UNC13C: variants seen among roughly 807,000 people sequenced by gnomAD.
UNC13C encodes protein unc-13 homolog C.
UNC13C carries 174 observed loss-of-function variants against 245.4 expected under a neutral mutation model. That is an observed-to-expected ratio of 0.71 (90% CI 0.63 to 0.80). The LOEUF (loss-of-function observed/expected upper bound fraction) is 0.80. Among genes scored for constraint, UNC13C ranks in the 30% least tolerant of loss-of-function variants. The pLI, the probability that UNC13C is intolerant of heterozygous loss-of-function variation, is 0.00. For synonymous variants in UNC13C, 992 were observed against 895.1 expected, an observed-to-expected ratio of 1.11 and a Z score of -1.93; for missense variants, 2,829 against 2,602.9, an observed-to-expected ratio of 1.09 and a Z score of -1.89.
intron 4 of UNC13C, among the ~76,000 whole-genome samples, chr15:54,207,606 C>A (rs1426782214): frequency 6.6e-6 from 1 of 151,992 alleles, no homozygotes; most frequent in African/African-American, 2.4e-5. Context: ...AACTGAAGTA[C>A]CCATTAAAGA....
At chr15:54,029,670 A>G (rs1160347617) in intron 2 of UNC13C, among the ~76,000 whole-genome samples, 1 of 152,242 alleles carries the variant, frequency 6.6e-6, no homozygotes, top group East Asian at 1.9e-4. Context: ...AGACAATGCC[A>G]TAAAATGGCA....
chr15:54,415,204 C>T (rs1384437342), intron 19 of UNC13C, 137 bp downstream of exon 19: 6 of 591,392 alleles, frequency 1.0e-5, no homozygotes, highest in African/African-American at 1.9e-5. Flanking sequence ...AACTTATTTC[C>T]GTATGGTGAA....
intron 1 of UNC13C, among the ~76,000 whole-genome samples, chr15:53,998,749 G>T (rs1484421507): frequency 1.3e-5 from 2 of 152,010 alleles, no homozygotes; most frequent in Non-Finnish European, 2.9e-5. Context: ...TGTAGATTTT[G>T]ATTTTATTAG....
At chr15:54,020,972 A>G (rs1895877770) in intron 2 of UNC13C, among the ~76,000 whole-genome samples, 1 of 152,164 alleles carries the variant, frequency 6.6e-6, no homozygotes, top group African/African-American at 2.4e-5. Flanking sequence ...CCTTTTGTCT[A>G]GTATTTTTTG....
intron 4 of UNC13C, among the ~76,000 whole-genome samples, chr15:54,169,625 C>T (rs541284998): frequency 1.3e-5 from 2 of 152,168 alleles, no homozygotes; most frequent in African/African-American, 4.8e-5. Context: ...CTTTGCTGCA[C>T]TGCCCACCAT....
intron 18 of UNC13C, among the ~76,000 whole-genome samples, chr15:54,394,701 G>T (rs1486769723): frequency 6.6e-6 from 1 of 151,792 alleles, no homozygotes; most frequent in Non-Finnish European, 1.5e-5. Context: ...GTTCTATGAA[G>T]AAACTTTGGC....
chr15:54,460,543 C>T (rs1338572840), intron 19 of UNC13C, among the ~76,000 whole-genome samples: 1 of 152,182 alleles, frequency 6.6e-6, no homozygotes, highest in Admixed American at 6.5e-5. Flanking sequence ...GTGGCACTTT[C>T]AAGAGAGCAC....
intron 30 of UNC13C, among the ~76,000 whole-genome samples, chr15:54,618,240 A>G (rs1340779910): frequency 6.6e-6 from 1 of 152,134 alleles, no homozygotes; most frequent in Non-Finnish European, 1.5e-5. Context: ...AAAGCAGACA[A>G]TGAGCTCTTT....
intron 26 of UNC13C, 120 bp from the exon 27 acceptor site, chr15:54,546,602 A>C (rs1896490914): frequency 5.6e-6 from 3 of 531,094 alleles, no homozygotes; most frequent in Non-Finnish European, 9.1e-6. Context: ...GTTTTTTGAG[A>C]TTATACATTT....
rs541226862 is a variant in UNC13C at position 54,235,149 on chromosome 15, G to T, written c.3150+41G>T. On this transcript the variant is annotated intron_variant, in intron 5 of 32. Coordinates refer to ENST00000260323, the MANE Select transcript of UNC13C (RefSeq NM_001080534.3). ...TTAATTCTCTTCGATTGCATGTGTG[G>T]TTTTTTTCCTTACTAAAATGTAATG... is the stretch of plus-strand genomic sequence containing the variant. 15 of 1,567,822 alleles carry T rather than the reference G, an allele frequency of 9.6e-6. No individual in the cohort carries two copies. In the South Asian group the frequency reaches 1.0e-4, roughly 10 times the overall value.
chr15:54,022,466 G>A (rs1358207170), intron 2 of UNC13C, among the ~76,000 whole-genome samples: 1 of 151,996 alleles, frequency 6.6e-6, no homozygotes, highest in Non-Finnish European at 1.5e-5. Flanking sequence ...AGCCACCCCA[G>A]CCCAGCCTCT....
chr15:54,604,053 T>G (rs1480429373), intron 30 of UNC13C, among the ~76,000 whole-genome samples: 1 of 152,176 alleles, frequency 6.6e-6, no homozygotes, highest in African/African-American at 2.4e-5. Flanking sequence ...TTTCCAGGCC[T>G]TGATCTGCCT....
intron 13 of UNC13C, among the ~76,000 whole-genome samples, chr15:54,314,276 G>C (rs1028781078): frequency 6.6e-6 from 1 of 151,782 alleles, no homozygotes; most frequent in South Asian, 2.1e-4. Flanking sequence ...TTCTTGAAAA[G>C]AGCAAAGCGA....
chr15:54,220,433 C>A (rs936712703), intron 4 of UNC13C, among the ~76,000 whole-genome samples: 2 of 111,648 alleles, frequency 1.8e-5, no homozygotes, highest in African/African-American at 7.4e-5. Flanking sequence ...ACATCACACT[C>A]TGGGGACTGT....
chr15:54,417,135 G>A, intron 19 of UNC13C: 1 of 348,598 alleles, frequency 2.9e-6, no homozygotes, highest in Non-Finnish European at 5.7e-6. Context: ...TTACCAAAAT[G>A]TAATTTTTTT....
At chr15:54,273,017 A>G (rs1213947503) in intron 10 of UNC13C, among the ~76,000 whole-genome samples, 2 of 152,208 alleles carry the variant, frequency 1.3e-5, no homozygotes. Context: ...AACAGAACTT[A>G]AATAAAATCT....
At chr15:54,520,791 T>C (rs1020869731) in intron 24 of UNC13C, among the ~76,000 whole-genome samples, 1 of 152,184 alleles carries the variant, frequency 6.6e-6, no homozygotes, top group African/African-American at 2.4e-5. Flanking sequence ...GTCAGTGGCA[T>C]ATCTGTAACA....
At chr15:54,565,399 A>T (rs144128834) in intron 29 of UNC13C, among the ~76,000 whole-genome samples, 20 of 152,038 alleles carry the variant, frequency 1.3e-4, no homozygotes, top group African/African-American at 1.7e-4. Context: ...GATGCTGTCA[A>T]GTATTAAGGT....
At chr15:54,500,317 A>C in intron 21 of UNC13C, 142 bp downstream of exon 21, 1 of 680,556 alleles carries the variant, frequency 1.5e-6, no homozygotes, top group Non-Finnish European at 2.5e-6. Flanking sequence ...ACACAATTTC[A>C]GTGGTCTGGT....
Sources: gnomAD v4.1 joint callset for allele counts (sites outside exome capture counted in the v4.1 genomes callset) on GRCh38, gnomAD v4.1.1 for gene constraint, MANE v1.5 for transcripts, NCBI Gene and HGNC (gene_info 2026-07-23, HGNC 2026-07-21) for gene names.